The following PCDHGA8 variants were observed in gnomAD, a reference collection of about 807,000 sequenced individuals.
PCDHGA8 encodes protocadherin gamma-A8.
PCDHGA8 carries 45 observed loss-of-function variants against 59.2 expected under a neutral mutation model. The observed-to-expected ratio is 0.76, with a 90% CI of 0.60 to 0.98. PCDHGA8 has a LOEUF of 0.98. PCDHGA8 is among the 50% of genes least tolerant of loss of function. The probability of loss-of-function intolerance (pLI) is 0.00; values close to 1 mark genes in which losing one functional copy is unlikely to be tolerated. For synonymous variants in PCDHGA8, 531 were observed against 519.0 expected (o/e 1.02, Z -0.32); for missense variants, 1,257 against 1,196.2 (o/e 1.05, Z -0.75).
In PCDHGA8 at chr5:141,476,653, C is replaced by T; in HGVS notation, c.2425-18154C>T. ...CCTATGAGCTGAGCCGAAATGAATA[C>T]TTTGCGCTTCGCGTGCAGACGCGGG... is the stretch of plus-strand genomic sequence containing the variant. On this transcript the variant is annotated intron_variant, in intron 1 of 3. Transcript: ENST00000398604. The surrounding 1 kb of genome is among the most constrained non-coding windows in gnomAD (Gnocchi z 7.6). 6.2e-7 allele frequency: 1 copy of T among 1,614,270 alleles called. No individual in the cohort carries two copies. The highest frequency in any genetic ancestry group is 8.5e-7 in the Non-Finnish European group (1 of 1,180,058).
intron 1 of PCDHGA8, chr5:141,423,804 T>A: frequency 8.1e-7 from 1 of 1,240,508 alleles, no homozygotes; most frequent in Non-Finnish European, 1.0e-6. Context: ...GAGCAATACA[T>A]GTGAGTTTTA....
intron 1 of PCDHGA8, chr5:141,404,204 T>A: frequency 6.2e-7 from 1 of 1,613,718 alleles, no homozygotes; most frequent in Non-Finnish European, 8.5e-7. Context: ...AGCCTCAGAA[T>A]ATAATATCAC....
At chr5:141,437,826 CT>C (rs1263000808) in intron 1 of PCDHGA8, among the ~76,000 whole-genome samples, 5 of 151,936 alleles carry the variant, frequency 3.3e-5, no homozygotes, top group African/African-American at 1.2e-4. Flanking sequence ...CAACCTCTGC[CT>C]CCTGGGTTCA....
At chr5:141,452,490 C>A (rs2098742307) in intron 1 of PCDHGA8, among the ~76,000 whole-genome samples, 1 of 152,188 alleles carries the variant, frequency 6.6e-6, no homozygotes, top group East Asian at 1.9e-4. Flanking sequence ...TAAACACACC[C>A]ATATTTATAT....
chr5:141,510,251 C>G (rs569804850), intron 3 of PCDHGA8, among the ~76,000 whole-genome samples: 1 of 144,724 alleles, frequency 6.9e-6, no homozygotes, highest in African/African-American at 2.6e-5. Flanking sequence ...CCAGGCTGGG[C>G]GACAGAGCAG....
intron 1 of PCDHGA8, among the ~76,000 whole-genome samples, chr5:141,465,683 A>G (rs2099107378): frequency 6.6e-6 from 1 of 152,236 alleles, no homozygotes; most frequent in African/African-American, 2.4e-5. Context: ...GCTCTTGACC[A>G]GTCTGCTTTT....
Position 141,485,582 on chromosome 5 carries a change from C to G in PCDHGA8, c.2425-9225C>G. The G allele has an allele frequency of 6.2e-7, 1 of 1,612,374 alleles. No individual in the cohort carries two copies. Among genetic ancestry groups the G allele is most frequent in the South Asian group, 1.1e-5 (1 of 90,956 alleles). On this transcript the variant is annotated intron_variant, in intron 1 of 3. Transcript: ENST00000398604. The surrounding 1 kb of genome is among the most constrained non-coding windows in gnomAD (Gnocchi z 5.7). ...TCACGCCCCCCGTTTTCCGCGGCAG[C>G]AGCTGGACTTGGAAATTGGGGAGGC...
At chr5:141,478,574 C>T (rs2099465133) in intron 1 of PCDHGA8, 1 of 1,586,288 alleles carries the variant, frequency 6.3e-7, no homozygotes, top group Non-Finnish European at 8.6e-7. Flanking sequence ...ATGCTTGACC[C>T]TGTTAGTGCT....
intron 1 of PCDHGA8, chr5:141,402,998 C>G: frequency 6.2e-7 from 1 of 1,613,908 alleles, no homozygotes; most frequent in Non-Finnish European, 8.5e-7. Context: ...ATTAGTCCTG[C>G]TATGCTCGCT....
chr5:141,419,368 C>T, intron 1 of PCDHGA8: 1 of 1,613,776 alleles, frequency 6.2e-7, no homozygotes, highest in Non-Finnish European at 8.5e-7. Context: ...CGCTGTCGTC[C>T]TACGTGTCCG....
chr5:141,419,656 G>C lies in PCDHGA8; in HGVS notation c.2424+24419G>C. The C allele has an allele frequency of 1.9e-6, 3 of 1,612,648 alleles. No homozygotes were observed. The East Asian group carries it at 6.7e-5, about 36-fold the overall frequency. ...TGGTGGCCGTGGACGCGGACTCGGGGCACAATGCCTGGCTGTCCTACCACG... is the reference window on the plus strand; with the variant it reads ...TGGTGGCCGTGGACGCGGACTCGGGCCACAATGCCTGGCTGTCCTACCACG... On this transcript the variant is annotated intron_variant, in intron 1 of 3. Transcript: ENST00000398604.
Position 141,493,360 on chromosome 5 carries a change from G to T in PCDHGA8, c.2425-1447G>T, listed in dbSNP as rs1364095483. Reference sequence around the variant, plus strand: ...CAGAATGTGTGCTTTTAATTTCTTGGCACTTGGAACTTTAAAAGCTTGAGG... The same window carrying T: ...CAGAATGTGTGCTTTTAATTTCTTGTCACTTGGAACTTTAAAAGCTTGAGG... On this transcript the variant is annotated intron_variant, in intron 1 of 3. Transcript: ENST00000398604. This position sits in a 1 kb window ranked among gnomAD's most constrained non-coding sequence, Gnocchi z 4.3. Among the ~76,000 whole-genome samples the T allele has an allele frequency of 6.6e-6, 1 of 152,144 alleles. No individual in the cohort carries two copies. The highest frequency in any genetic ancestry group is 1.5e-5 in the Non-Finnish European group (1 of 68,022).
intron 3 of PCDHGA8, among the ~76,000 whole-genome samples, chr5:141,509,066 C>A (rs1215686419): frequency 6.6e-6 from 1 of 152,172 alleles, no homozygotes; most frequent in Non-Finnish European, 1.5e-5. Context: ...GCTCTCAGCT[C>A]CGGGGATTTG....
intron 2 of PCDHGA8, among the ~76,000 whole-genome samples, chr5:141,496,054 G>A (rs180707408): frequency 6.6e-6 from 1 of 150,988 alleles, no homozygotes; most frequent in Admixed American, 6.6e-5. Context: ...TTTTGTGCTT[G>A]TGGGCAAGCC....
chr5:141,397,625 G>A (rs558654986), intron 1 of PCDHGA8, among the ~76,000 whole-genome samples: 2 of 152,338 alleles, frequency 1.3e-5, no homozygotes, highest in South Asian at 4.1e-4. Flanking sequence ...CTTAGTTCTA[G>A]CTAAGAGTTC....
intron 1 of PCDHGA8, among the ~76,000 whole-genome samples, chr5:141,458,988 C>G (rs996478276): frequency 6.6e-6 from 1 of 152,208 alleles, no homozygotes; most frequent in African/African-American, 2.4e-5. Flanking sequence ...CTGCCTCACC[C>G]TCCCAAAGTG....
intron 1 of PCDHGA8, chr5:141,409,788 C>T (rs1224847553): frequency 3.1e-6 from 5 of 1,612,138 alleles, no homozygotes; most frequent in Admixed American, 1.7e-5. Flanking sequence ...CGCGCCTTCG[C>T]GCTCACGCTG....
chr5:141,438,613 TATATATATATATATATATATATAC>T (rs1240061633), intron 1 of PCDHGA8, among the ~76,000 whole-genome samples: 627 of 36,484 alleles, frequency 0.017, 21 homozygotes, highest in African/African-American at 0.051. Flanking sequence ...TATATATATA[TATATATATATATATATATATATAC>T]ACACACACAC....
intron 1 of PCDHGA8, chr5:141,423,721 T>C (rs2096769391): frequency 8.3e-7 from 1 of 1,208,140 alleles, no homozygotes; most frequent in East Asian, 3.8e-5. Flanking sequence ...TTTAAGGAGA[T>C]GTTTTTTGAG....
Sources: allele counts gnomAD v4.1 joint callset (sites outside exome capture counted in the v4.1 genomes callset), GRCh38; gene constraint gnomAD v4.1.1; non-coding constraint Gnocchi (gnomAD v3.1); transcripts MANE v1.5; gene names NCBI Gene and HGNC (gene_info 2026-07-23, HGNC 2026-07-21).